Variants in KCNA2 observed in about 807,000 individuals in gnomAD.
KCNA2 encodes potassium channel, voltage gated shaker related subfamily A, member 2.
In KCNA2, 11 loss-of-function variants were observed where a neutral mutation model predicts 33.4. The ratio of observed to expected loss-of-function variants is 0.33; its 90% CI spans 0.21 to 0.55. The LOEUF (loss-of-function observed/expected upper bound fraction) is 0.55. Ranked by LOEUF, KCNA2 falls within the 20% of genes least tolerant of loss-of-function variation. KCNA2 has a pLI of 0.93. For missense variants in KCNA2, 291 were observed against 621.6 expected (o/e 0.47, Z 5.66); for synonymous variants, 222 against 231.3 (o/e 0.96, Z 0.37).
intron 1 of KCNA2, among the ~76,000 whole-genome samples, chr1:110,627,837 A>G (rs1157126727): frequency 6.6e-6 from 1 of 152,122 alleles, no homozygotes; most frequent in Non-Finnish European, 1.5e-5. Flanking sequence ...TCAAAAAAAA[A>G]AAAAATAATA....
At position 110,602,397 on chromosome 1, in the gene KCNA2, A is replaced by G; in HGVS notation, c.*886T>C. ...TTTTAAATATTGAGATTCATGCAAC[A>G]AACACCCATGCAGCTCTATTGCATC... On this transcript the variant is annotated 3_prime_UTR_variant, in exon 3 of 3. Coordinates refer to ENST00000316361, the MANE Select transcript of KCNA2 (RefSeq NM_004974.4). The G allele has an allele frequency of 7.2e-7, 1 of 1,388,658 alleles. No homozygotes were observed. Among genetic ancestry groups the G allele is most frequent in the Admixed American group, 3.1e-5 (1 of 31,976 alleles). The allele number at this position is 1,388,658 out of a possible 1,614,324, so 86.0% of individuals were successfully genotyped here. A position where few individuals can be genotyped will look rare whatever the true frequency, so the allele number is the denominator to read the frequency against.
At chr1:110,617,762 T>A (rs1650114400) in intron 1 of KCNA2, among the ~76,000 whole-genome samples, 1 of 152,078 alleles carries the variant, frequency 6.6e-6, no homozygotes, top group Non-Finnish European at 1.5e-5. Context: ...CCACAGGGCT[T>A]CAGAGAGGTG....
At position 110,598,103 on chromosome 1, in the gene KCNA2, G is replaced by T; in HGVS notation, c.*5180C>A. Reference sequence around the variant, plus strand: ...TCAGGTGACTGATGATGTTAATGAGGTTAAGGTCATGAGTTCAAACCCGGC... The same window carrying T: ...TCAGGTGACTGATGATGTTAATGAGTTTAAGGTCATGAGTTCAAACCCGGC... On this transcript the variant is annotated 3_prime_UTR_variant, in exon 3 of 3. Coordinates refer to ENST00000316361, the MANE Select transcript of KCNA2 (RefSeq NM_004974.4). 1 of 978,238 alleles carries T rather than the reference G, an allele frequency of 1.0e-6. No homozygotes were observed. Among genetic ancestry groups the T allele is most frequent in the Non-Finnish European group, 1.2e-6 (1 of 823,464 alleles). The allele number at this position is 978,238 out of a possible 1,614,324, so 60.6% of individuals were successfully genotyped here. A position where few individuals can be genotyped will look rare whatever the true frequency, so the allele number is the denominator to read the frequency against.
chr1:110,629,188 A>C (rs1462593720), intron 1 of KCNA2, among the ~76,000 whole-genome samples: 1 of 152,146 alleles, frequency 6.6e-6, no homozygotes, highest in Non-Finnish European at 1.5e-5. Flanking sequence ...TGAGAGCCTG[A>C]GTTTAGTGGC....
At position 110,601,849 on chromosome 1, in the gene KCNA2, TA is replaced by T; in HGVS notation, c.*1433del. The T allele has an allele frequency of 7.0e-7, 1 of 1,418,596 alleles. No homozygotes were observed. Among genetic ancestry groups the T allele is most frequent in the Non-Finnish European group, 9.1e-7 (1 of 1,092,940 alleles). The allele number at this position is 1,418,596 out of a possible 1,614,324, so 87.9% of individuals were successfully genotyped here. ...GTGTGTATACATATACACACATATG[TA>T]TGTATATATATACACCCTAGTGCAC... On this transcript the variant is annotated 3_prime_UTR_variant, in exon 3 of 3. Transcript: ENST00000316361.
chr1:110,607,336 G>C (rs891374975), upstream of KCNA2: 1 of 151,044 alleles, frequency 6.6e-6, no homozygotes, highest in Non-Finnish European at 1.5e-5. Flanking sequence ...GGCGGGGTGC[G>C]GGCGGCCAGC....
At position 110,600,489 on chromosome 1, in the gene KCNA2, T is replaced by A; in HGVS notation, c.*2794A>T. The A allele has an allele frequency of 1.0e-6, 1 of 985,228 alleles. No homozygotes were observed. 61.0% of individuals were successfully genotyped at this position (985,228 alleles called of 1,614,324 possible). Reference sequence around the variant, plus strand: ...AGAGTGTGCATTTTATATACAATTATAACCATATATCTTCTGTGTTTGCTT... The same window carrying A: ...AGAGTGTGCATTTTATATACAATTAAAACCATATATCTTCTGTGTTTGCTT... On this transcript the variant is annotated 3_prime_UTR_variant, in exon 3 of 3. Transcript: ENST00000316361.
In KCNA2 at chr1:110,600,402, A is replaced by C; in HGVS notation, c.*2881T>G. ...ATTTTGCATCTGAGTTTCAGGTTGT[A>C]TATTTGTATGTGGTGTATGTTTGTC... On this transcript the variant is annotated 3_prime_UTR_variant, in exon 3 of 3. Coordinates refer to ENST00000316361, the MANE Select transcript of KCNA2 (RefSeq NM_004974.4). 1 of 984,582 alleles carries C rather than the reference A, an allele frequency of 1.0e-6. No individual in the cohort carries two copies. The highest frequency in any genetic ancestry group is 1.2e-6 in the Non-Finnish European group (1 of 829,734). The allele number at this position is 984,582 out of a possible 1,614,324, so 61.0% of individuals were successfully genotyped here.
chr1:110,604,132 G>C lies in KCNA2; in HGVS notation c.651C>G (p.Ser217=). 6.2e-7 allele frequency: 1 copy of C among 1,614,230 alleles called. No homozygotes were observed. Among genetic ancestry groups the C allele is most frequent in the Non-Finnish European group, 8.5e-7 (1 of 1,180,034 alleles). ...NSTIGYQQST[S]FTDPFFIVET... ...CTACAATGAAGAAAGGGTCTGTGAA[G>C]GAAGTGGACTGCTGGTACCCGATGG... Residue 217 remains serine (S), a synonymous_variant, in exon 3 of 3, where the codon TCC becomes TCG. Transcript: ENST00000316361. The surrounding 1 kb of genome is among the most constrained non-coding windows in gnomAD (Gnocchi z 7.6).
At position 110,604,480 on chromosome 1, in the gene KCNA2, A is replaced by G; in HGVS notation, c.303T>C (p.Pro101=). The part of the protein sequence containing the change: ...YYQSGGRLRR[P]VNVPLDIFSE... Reference sequence around the variant, plus strand: ...AGAATATATCTAAGGGCACATTCACAGGTCGCCTCAATCGGCCCCCTGACT... The same window carrying G: ...AGAATATATCTAAGGGCACATTCACGGGTCGCCTCAATCGGCCCCCTGACT... The change falls in exon 3 of 3, where the codon CCT becomes CCC. Residue 101 remains proline, a synonymous_variant. Coordinates refer to ENST00000316361, the MANE Select transcript of KCNA2 (RefSeq NM_004974.4). The surrounding 1 kb of genome is among the most constrained non-coding windows in gnomAD (Gnocchi z 7.6). The G allele has an allele frequency of 6.2e-7, 1 of 1,614,240 alleles. No homozygotes were observed. Among genetic ancestry groups the G allele is most frequent in the Admixed American group, 1.7e-5 (1 of 60,032 alleles).
chr1:110,602,088 T>C lies in KCNA2; in HGVS notation c.*1195A>G, dbSNP rs1329696449. ...CTGTACAGTCATGCCCGCGACTAGG[T>C]TAATTCCTAAGGTGCAGTCATGTGA... is the stretch of plus-strand genomic sequence containing the variant. On this transcript the variant is annotated 3_prime_UTR_variant, in exon 3 of 3. Transcript: ENST00000316361. 1 of 1,550,488 alleles carries C rather than the reference T, an allele frequency of 6.4e-7. No individual in the cohort carries two copies. Among genetic ancestry groups the C allele is most frequent in the East Asian group, 2.4e-5 (1 of 40,920 alleles).
chr1:110,601,794 A>T lies in KCNA2; in HGVS notation c.*1489T>A, dbSNP rs112410383. The T allele has an allele frequency of 1.3e-6, 1 of 752,752 alleles. No homozygotes were observed. Among genetic ancestry groups the T allele is most frequent in the Non-Finnish European group, 1.7e-6 (1 of 596,646 alleles). The allele number at this position is 752,752 out of a possible 1,614,324, so 46.6% of individuals were successfully genotyped here. On this transcript the variant is annotated 3_prime_UTR_variant, in exon 3 of 3. Transcript: ENST00000316361. ...AGAAAATGAATATATATATATATAT[A>T]TGTGTGTGTGTGTGTGTGTGTGTGT... is the stretch of plus-strand genomic sequence containing the variant.
rs1649307176 is a variant in KCNA2 at position 110,600,819 on chromosome 1, T to C, written c.*2464A>G. 7 of 985,440 alleles carry C rather than the reference T, an allele frequency of 7.1e-6. No individual in the cohort carries two copies. In the South Asian group the frequency reaches 2.8e-4, roughly 40 times the overall value. The allele number at this position is 985,440 out of a possible 1,614,324, so 61.0% of individuals were successfully genotyped here. ...TGCTGGGCATGGGATGCCCTGCAGA[T>C]ACCTGGGGATGTGGGTGACCAGGCA... On this transcript the variant is annotated 3_prime_UTR_variant, in exon 3 of 3. Coordinates refer to ENST00000316361, the MANE Select transcript of KCNA2 (RefSeq NM_004974.4).
chr1:110,610,788 CT>C (rs1649837562), upstream of KCNA2, among the ~76,000 whole-genome samples: 2 of 152,114 alleles, frequency 1.3e-5, no homozygotes, highest in Non-Finnish European at 2.9e-5. Context: ...GGAGTTGGTG[CT>C]GGTGATTAAC....
At chr1:110,607,271 G>A (rs893264755), upstream of KCNA2, 2 of 152,014 alleles carry the variant, frequency 1.3e-5, no homozygotes, top group African/African-American at 2.4e-5. Flanking sequence ...GGGCACCGGG[G>A]CCTCCATGTT....
chr1:110,599,567 G>T lies in KCNA2; in HGVS notation c.*3716C>A. ...CACAAGAGCAAGTGAAATGCCACAA[G>T]CAAGTAAAGGTGGCTCATTTTAAGA... On this transcript the variant is annotated 3_prime_UTR_variant, in exon 3 of 3. Transcript: ENST00000316361. The T allele has an allele frequency of 2.0e-6, 2 of 985,414 alleles. No individual in the cohort carries two copies. The highest frequency in any genetic ancestry group is 2.4e-6 in the Non-Finnish European group (2 of 829,930). The allele number at this position is 985,414 out of a possible 1,614,324, so 61.0% of individuals were successfully genotyped here. A position where few individuals can be genotyped will look rare whatever the true frequency, so the allele number is the denominator to read the frequency against.
chr1:110,620,271 A>T (rs1281770128), intron 1 of KCNA2, among the ~76,000 whole-genome samples: 1 of 152,080 alleles, frequency 6.6e-6, no homozygotes, highest in Non-Finnish European at 1.5e-5. Context: ...CAGTGTAGAC[A>T]GTGTCTTAGA....
intron 1 of KCNA2, among the ~76,000 whole-genome samples, chr1:110,628,219 C>G (rs553714880): frequency 6.6e-6 from 1 of 152,212 alleles, no homozygotes; most frequent in South Asian, 2.1e-4. Context: ...AAGCAGTTCT[C>G]CATTCTGTCC....
chr1:110,630,069 G>A (rs531661457), intron 1 of KCNA2, among the ~76,000 whole-genome samples: 1 of 143,870 alleles, frequency 7.0e-6, no homozygotes, highest in East Asian at 2.1e-4. Context: ...AGGCTGGAGT[G>A]CAATGGTGCC....
Sources: allele counts gnomAD v4.1 joint callset (sites outside exome capture counted in the v4.1 genomes callset), GRCh38; gene constraint gnomAD v4.1.1; non-coding constraint Gnocchi (gnomAD v3.1); transcripts MANE v1.5; gene names NCBI Gene and HGNC (gene_info 2026-07-23, HGNC 2026-07-21).